PUM1: variants seen among roughly 807,000 people sequenced by gnomAD.
PUM1 encodes the protein pumilio homolog 1.
In PUM1, 13 loss-of-function variants were observed where a neutral mutation model predicts 131.8. The observed-to-expected ratio is 0.10, with a 90% CI of 0.06 to 0.16. PUM1 has a LOEUF of 0.16. Ranked by LOEUF, PUM1 falls within the 10% of genes least tolerant of loss-of-function variation. PUM1 has a pLI of 1.00. For synonymous variants in PUM1, 509 were observed against 556.5 expected (o/e 0.91, Z 1.20); for missense variants, 961 against 1,512.4 (o/e 0.64, Z 6.05).
intron 5 of PUM1, among the ~76,000 whole-genome samples, chr1:31,004,231 C>T (rs1642320091): frequency 6.6e-6 from 1 of 152,178 alleles, no homozygotes; most frequent in African/African-American, 2.4e-5. Flanking sequence ...TTCAATCCCA[C>T]CATGTATCTT....
At chr1:31,005,263 G>A (rs1642358906) in intron 5 of PUM1, among the ~76,000 whole-genome samples, 2 of 152,124 alleles carry the variant, frequency 1.3e-5, no homozygotes, top group African/African-American at 2.4e-5. Flanking sequence ...CATCAGAGAG[G>A]TCAGTGATAA....
At chr1:30,989,475 G>C (rs1246593703) in intron 7 of PUM1, among the ~76,000 whole-genome samples, 2 of 148,620 alleles carry the variant, frequency 1.3e-5, no homozygotes, top group Non-Finnish European at 3.0e-5. Flanking sequence ...GGGAGGCTGA[G>C]GCAGGAGAAT....
At chr1:31,046,511 GTT>G (rs35053733) in intron 2 of PUM1, among the ~76,000 whole-genome samples, 30,839 of 122,060 alleles carry the variant, frequency 0.25, 3,370 homozygotes, top group East Asian at 0.5. Context: ...TGTTTTTTTG[GTT>G]TTTTTTTTTT....
rs1197586322 is a variant in PUM1, at chr1:31,038,046, T to C, written c.364-9182A>G. Among the ~76,000 whole-genome samples the C allele has an allele frequency of 6.8e-5, 10 of 147,420 alleles. No individual in the cohort carries two copies. The East Asian group carries it at 2.0e-3, about 30-fold the overall frequency. ...GTGAGCCGAGATTTCGCCACTGCAC[T>C]CCAGCCTCGGAAATAGAGTGAGACT... On this transcript the variant is annotated intron_variant, in intron 2 of 21. Coordinates refer to ENST00000426105, the MANE Select transcript of PUM1 (RefSeq NM_001020658.2).
chr1:31,054,195 C>G (rs1644181438), intron 2 of PUM1, among the ~76,000 whole-genome samples: 1 of 149,380 alleles, frequency 6.7e-6, no homozygotes, highest in Non-Finnish European at 1.5e-5. Flanking sequence ...GGTGTTGTGA[C>G]GTGTGCCTGT....
chr1:31,017,248 C>T (rs997867911), intron 3 of PUM1, among the ~76,000 whole-genome samples: 6 of 152,124 alleles, frequency 3.9e-5, no homozygotes, highest in East Asian at 1.9e-4. Context: ...CAGAGTCAAA[C>T]GGACACGTAA....
At chr1:31,002,014 C>G (rs1207104870) in intron 5 of PUM1, among the ~76,000 whole-genome samples, 3 of 152,230 alleles carry the variant, frequency 2.0e-5, no homozygotes, top group African/African-American at 7.2e-5. Context: ...TGTCGGCCCA[C>G]TGACTTTGGT....
At chr1:31,009,767 C>CAAAAA (rs751375199) in intron 3 of PUM1, among the ~76,000 whole-genome samples, 5 of 54,668 alleles carry the variant, frequency 9.1e-5, no homozygotes, top group Admixed American at 2.2e-4. Flanking sequence ...GACTCTGTCT[C>CAAAAA]AAAAAAAAAA....
At chr1:31,061,007 T>C (rs1298750767) in intron 1 of PUM1, among the ~76,000 whole-genome samples, 1 of 152,216 alleles carries the variant, frequency 6.6e-6, no homozygotes, top group Non-Finnish European at 1.5e-5. Flanking sequence ...GCTTTTAGCC[T>C]AAGCCCTCTC....
At chr1:31,006,845 A>G in intron 4 of PUM1, 149 bp downstream of exon 4, 1 of 604,782 alleles carries the variant, frequency 1.7e-6, no homozygotes, top group Non-Finnish European at 2.9e-6. Context: ...ATTACATCAT[A>G]TAAGCTCCTT....
intron 13 of PUM1, among the ~76,000 whole-genome samples, chr1:30,965,767 G>T (rs541763278): frequency 6.6e-6 from 1 of 152,262 alleles, no homozygotes; most frequent in Non-Finnish European, 1.5e-5. Flanking sequence ...GAAAGAAACT[G>T]ATTAAGTAAG....
intron 1 of PUM1, chr1:31,061,615 T>TAAAA (rs1054752095): frequency 1.3e-5 from 2 of 150,118 alleles, no homozygotes; most frequent in Admixed American, 6.6e-5. Context: ...AATAAATAAA[T>TAAAA]AAAATAATTT....
intron 2 of PUM1, among the ~76,000 whole-genome samples, chr1:31,038,322 A>T (rs1157512182): frequency 6.6e-6 from 1 of 151,958 alleles, no homozygotes; most frequent in Non-Finnish European, 1.5e-5. Context: ...AGGGGGAAAA[A>T]CTTTAACCTG....
chr1:31,007,834 A>G lies in PUM1; in HGVS notation c.433-732T>C, dbSNP rs926956392. Reference sequence around the variant, plus strand: ...ACATGAGAAGTTTATACTAGCTTCAACAAAAAAATGCAAAGTACCCTTCAA... The same window carrying G: ...ACATGAGAAGTTTATACTAGCTTCAGCAAAAAAATGCAAAGTACCCTTCAA... On this transcript the variant is annotated intron_variant, in intron 3 of 21. Coordinates refer to ENST00000426105, the MANE Select transcript of PUM1 (RefSeq NM_001020658.2). 2.0e-5 allele frequency among the ~76,000 whole-genome samples: 3 copies of G among 152,250 alleles called. No individual in the cohort carries two copies. The East Asian group carries it at 5.8e-4, about 29-fold the overall frequency.
chr1:30,951,000 T>C (rs1277160895), intron 16 of PUM1, among the ~76,000 whole-genome samples: 3 of 152,194 alleles, frequency 2.0e-5, no homozygotes, highest in East Asian at 3.8e-4. Context: ...GAAAAATCAG[T>C]AGAATCAAGA....
At chr1:30,935,367 C>T (rs897590462) in intron 21 of PUM1, among the ~76,000 whole-genome samples, 46 of 152,150 alleles carry the variant, frequency 3.0e-4, no homozygotes, top group Non-Finnish European at 5.6e-4. Context: ...TAGAAGACAC[C>T]CTGCCCATTC....
intron 5 of PUM1, among the ~76,000 whole-genome samples, chr1:30,998,159 G>A (rs1174718675): frequency 3.9e-5 from 6 of 152,118 alleles, no homozygotes; most frequent in Admixed American, 6.5e-5. Flanking sequence ...AATTCAAGAC[G>A]AACATTTATG....
At chr1:31,022,550 C>T (rs775575019) in intron 3 of PUM1, among the ~76,000 whole-genome samples, 9 of 152,214 alleles carry the variant, frequency 5.9e-5, no homozygotes, top group Admixed American at 3.9e-4. Context: ...CTGGGAACTA[C>T]GTTCCAAATC....
intron 7 of PUM1, among the ~76,000 whole-genome samples, chr1:30,984,128 A>T (rs1641459805): frequency 1.3e-5 from 2 of 152,244 alleles, no homozygotes; most frequent in South Asian, 4.1e-4. Flanking sequence ...CCTATGTTTG[A>T]GAGCTGATTA....
Sources: gnomAD v4.1 joint callset for allele counts (sites outside exome capture counted in the v4.1 genomes callset) on GRCh38, gnomAD v4.1.1 for gene constraint, MANE v1.5 for transcripts, NCBI Gene and HGNC (gene_info 2026-07-23, HGNC 2026-07-21) for gene names.